Variants in ASXL3 observed in about 807,000 individuals in gnomAD.
ASXL3 encodes ASXL transcriptional regulator 3, also known as putative Polycomb group protein ASXL3.
A neutral mutation model predicts 170.6 loss-of-function variants in ASXL3; 34 were observed. That is an observed-to-expected ratio of 0.20 (90% confidence interval 0.15 to 0.27). The LOEUF (loss-of-function observed/expected upper bound fraction) is 0.27, where lower values mean the gene tolerates loss of function less well. ASXL3 is among the 10% of genes least tolerant of loss of function. ASXL3 has a pLI of 1.00. For missense variants in ASXL3, 2,592 were observed against 2,695.3 expected, an observed-to-expected ratio of 0.96 and a Z score of 0.85; for synonymous variants, 1,002 against 989.1, an observed-to-expected ratio of 1.01 and a Z score of -0.24.
At chr18:33,661,306 C>T (rs975701024) in intron 4 of ASXL3, among the ~76,000 whole-genome samples, 17 of 151,854 alleles carry the variant, frequency 1.1e-4, no homozygotes, top group Non-Finnish European at 2.5e-4. Flanking sequence ...TCAAATAGTA[C>T]CTACTGACTC....
Position 33,748,260 on chromosome 18 carries a change from C to T in ASXL3, c.*1665C>T, listed in dbSNP as rs951794488. On this transcript the variant is annotated 3_prime_UTR_variant, in exon 12 of 12. Transcript: ENST00000269197. ...ACTGGAATGAGCAGAAATTACATTC[C>T]TGAAAACAAGAACACTTGTGATTTT... The T allele has an allele frequency of 6.6e-6, 1 of 152,108 alleles. No homozygotes were observed. The highest frequency in any genetic ancestry group is 2.4e-5 in the African/African-American group (1 of 41,404). 9.4% of individuals were successfully genotyped at this position (152,108 alleles called of 1,614,324 possible).
rs999203344 is a variant in ASXL3 at position 33,745,350 on chromosome 18, T to C, written c.5502T>C (p.Thr1834=). 6.2e-7 allele frequency: 1 copy of C among 1,613,834 alleles called. No individual in the cohort carries two copies. The highest frequency in any genetic ancestry group is 1.3e-5 in the African/African-American group (1 of 74,916). ...ENHPKKRVAR[T]VGEHTQVKCE... Reference sequence around the variant, plus strand: ...ACCCCAAAAAGAGAGTAGCTAGGACTGTAGGAGAACACACTCAAGTTAAAT... The same window carrying C: ...ACCCCAAAAAGAGAGTAGCTAGGACCGTAGGAGAACACACTCAAGTTAAAT... The change falls in exon 12 of 12, where the codon ACT becomes ACC. Residue 1834 remains threonine (T), a synonymous_variant. Coordinates refer to ENST00000269197, the MANE Select transcript of ASXL3 (RefSeq NM_030632.3).
chr18:33,646,080 GT>G (rs1212722260), intron 3 of ASXL3, among the ~76,000 whole-genome samples, 164 bp from the exon 4 acceptor site: 47 of 145,754 alleles, frequency 3.2e-4, no homozygotes, highest in Middle Eastern at 3.5e-3. Flanking sequence ...GCTTTACCCA[GT>G]TTTTTTTTTT....
intron 8 of ASXL3, among the ~76,000 whole-genome samples, chr18:33,697,796 T>G (rs1239849478): frequency 1.3e-5 from 2 of 151,794 alleles, no homozygotes; most frequent in Non-Finnish European, 2.9e-5. Context: ...TTGAGCCCCA[T>G]AGTTTGAGAC....
rs1346524570 is a variant in ASXL3 at position 33,738,997 on chromosome 18, A to C, written c.1593A>C (p.Thr531=). Residue 531 remains threonine, a synonymous_variant, in exon 11 of 12, where the codon ACA becomes ACC. Coordinates refer to ENST00000269197, the MANE Select transcript of ASXL3 (RefSeq NM_030632.3). ...GKSESPQEEM[T]VVIDQLEVCD... is the part of the protein sequence containing the mutation. ...CAGAATCACCCCAGGAAGAAATGACAGTTGTTATCGATCAGTTAGAAGTCT... is the reference window on the plus strand; with the variant it reads ...CAGAATCACCCCAGGAAGAAATGACCGTTGTTATCGATCAGTTAGAAGTCT... 18 of 1,613,680 alleles carry C rather than the reference A, an allele frequency of 1.1e-5. No individual in the cohort carries two copies. Among genetic ancestry groups the C allele is most frequent in the Non-Finnish European group, 1.4e-5 (17 of 1,179,824 alleles).
At chr18:33,740,735 G>A (rs1040241148) in intron 11 of ASXL3, among the ~76,000 whole-genome samples, 2 of 152,248 alleles carry the variant, frequency 1.3e-5, no homozygotes, top group Middle Eastern at 3.4e-3. Context: ...GGATTTCAAG[G>A]TGTAGTACAG....
intron 8 of ASXL3, among the ~76,000 whole-genome samples, chr18:33,694,243 T>A (rs1467874564): frequency 6.6e-6 from 1 of 152,190 alleles, no homozygotes; most frequent in Non-Finnish European, 1.5e-5. Flanking sequence ...TGCATAGCGT[T>A]CTGCAAGATG....
chr18:33,654,255 ACTT>A (rs2066047296), intron 4 of ASXL3, among the ~76,000 whole-genome samples: 1 of 152,020 alleles, frequency 6.6e-6, no homozygotes, highest in African/African-American at 2.4e-5. Context: ...ACAACAAACT[ACTT>A]CTCAAAAACA....
At chr18:33,680,362 A>G (rs1179848418) in intron 7 of ASXL3, among the ~76,000 whole-genome samples, 2 of 152,074 alleles carry the variant, frequency 1.3e-5, no homozygotes, top group East Asian at 3.8e-4. Flanking sequence ...GTTGAGACTC[A>G]CTGGACAGTT....
intron 4 of ASXL3, among the ~76,000 whole-genome samples, chr18:33,660,972 A>G (rs1430604742): frequency 6.6e-6 from 1 of 152,196 alleles, no homozygotes; most frequent in African/African-American, 2.4e-5. Context: ...CTTCTGTAGA[A>G]TAGACAACAT....
intron 1 of ASXL3, among the ~76,000 whole-genome samples, chr18:33,581,434 A>C (rs1421702547): frequency 6.6e-6 from 1 of 151,764 alleles, no homozygotes; most frequent in East Asian, 1.9e-4. Flanking sequence ...CTTCCAATTC[A>C]TGCAGAATAT....
At chr18:33,717,941 C>A (rs369013068) in intron 8 of ASXL3, among the ~76,000 whole-genome samples, 18 of 152,170 alleles carry the variant, frequency 1.2e-4, no homozygotes, top group Admixed American at 4.6e-4. Flanking sequence ...GTATTGATAA[C>A]CCCTAAGCAA....
At chr18:33,625,611 T>C (rs2065590713) in intron 2 of ASXL3, among the ~76,000 whole-genome samples, 2 of 152,164 alleles carry the variant, frequency 1.3e-5, no homozygotes, top group Non-Finnish European at 2.9e-5. Context: ...TAATGAATGT[T>C]ATGTTTGCTA....
chr18:33,716,807 G>T (rs973286339), intron 8 of ASXL3, among the ~76,000 whole-genome samples: 2 of 151,750 alleles, frequency 1.3e-5, no homozygotes, highest in East Asian at 3.9e-4. Flanking sequence ...TCTTCAAGGT[G>T]GAAAATGTAT....
intron 1 of ASXL3, among the ~76,000 whole-genome samples, chr18:33,587,523 C>T (rs1272057978): frequency 6.6e-6 from 1 of 151,872 alleles, no homozygotes; most frequent in Non-Finnish European, 1.5e-5. Context: ...TTTGTTTTGC[C>T]TTCACCTTTA....
intron 8 of ASXL3, among the ~76,000 whole-genome samples, chr18:33,687,563 G>A (rs528182895): frequency 6.6e-6 from 1 of 152,026 alleles, no homozygotes; most frequent in Non-Finnish European, 1.5e-5. Flanking sequence ...TCCTACTCTG[G>A]ACCCAAATGA....
rs574103891 is a variant in ASXL3 at position 33,579,982 on chromosome 18, A to T, written c.54+1297A>T. ...TTTGGTTGAAGGGCCTTGCTCTGGT[A>T]TGTATCTGGATTCTAGCAAAGGGTT... is the stretch of plus-strand genomic sequence containing the variant. On this transcript the variant is annotated intron_variant, in intron 1 of 11. Transcript: ENST00000269197. Among the ~76,000 whole-genome samples, 4 of 152,350 alleles carry T rather than the reference A, an allele frequency of 2.6e-5. No individual in the cohort carries two copies. In the South Asian group the frequency reaches 8.3e-4, roughly 32 times the overall value.
intron 4 of ASXL3, 42 bp from the exon 5 acceptor site, chr18:33,661,573 AG>A: frequency 6.4e-7 from 1 of 1,555,316 alleles, no homozygotes; most frequent in Non-Finnish European, 8.7e-7. Flanking sequence ...GATATAAAAA[AG>A]GAATTCAAAT....
chr18:33,729,045 TG>T (rs1212462515), intron 8 of ASXL3, among the ~76,000 whole-genome samples: 1 of 152,160 alleles, frequency 6.6e-6, no homozygotes, highest in African/African-American at 2.4e-5. Flanking sequence ...GCTGCTCCCA[TG>T]TAGAGCATGA....
Sources: allele counts gnomAD v4.1 joint callset (sites outside exome capture counted in the v4.1 genomes callset), GRCh38; gene constraint gnomAD v4.1.1; transcripts MANE v1.5; gene names NCBI Gene and HGNC (gene_info 2026-07-23, HGNC 2026-07-21).